ADCY1: variants seen among roughly 807,000 people sequenced by gnomAD.
ADCY1 encodes adenylate cyclase type 1.
A neutral mutation model predicts 105.4 loss-of-function variants in ADCY1; 28 were observed. The observed-to-expected ratio is 0.27, with a 90% confidence interval of 0.20 to 0.36. The LOEUF is 0.36. Ranked by LOEUF, ADCY1 falls within the 10% of genes least tolerant of loss-of-function variation. The pLI is 1.00. For synonymous variants in ADCY1, 655 were observed against 623.8 expected (o/e 1.05, Z -0.75); for missense variants, 977 against 1,434.2 (o/e 0.68, Z 5.15).
At chr7:45,608,926 A>G in intron 2 of ADCY1, among the ~76,000 whole-genome samples, 1 of 152,202 alleles carries the variant, frequency 6.6e-6, no homozygotes, top group East Asian at 1.9e-4. Context: ...CTCCGGTGCC[A>G]GGACTCAGGC....
At position 45,722,907 on chromosome 7, in the gene ADCY1, T is replaced by G. The variant is rs1785504069; in HGVS notation, c.*8912T>G. 1 of 152,644 alleles carries G rather than the reference T, an allele frequency of 6.6e-6. No homozygotes were observed. Among genetic ancestry groups the G allele is most frequent in the African/African-American group, 2.4e-5 (1 of 41,448 alleles). The allele number at this position is 152,644 out of a possible 1,614,324, so 9.5% of individuals were successfully genotyped here. ...GTCTATTTTTATGTCAACTGAACACTGTAGGGTACCTTCCAGTCTTTTTCA... is the reference window on the plus strand; with the variant it reads ...GTCTATTTTTATGTCAACTGAACACGGTAGGGTACCTTCCAGTCTTTTTCA... On this transcript the variant is annotated 3_prime_UTR_variant, in exon 20 of 20. Transcript: ENST00000297323.
In ADCY1 at chr7:45,660,153, C is replaced by A; in HGVS notation, c.1419C>A (p.Thr473=). 1 of 1,614,204 alleles carries A rather than the reference C, an allele frequency of 6.2e-7. No individual in the cohort carries two copies. The highest frequency in any genetic ancestry group is 8.5e-7 in the Non-Finnish European group (1 of 1,180,030). Residue 473 remains threonine, a synonymous_variant, in exon 7 of 20, where the codon ACC becomes ACA. Transcript: ENST00000297323. The stretch of plus-strand genomic sequence containing the variant: ...TCTTGAAAACTCATAACATCGAAAC[C>A]TTTTTTATTGTGCCATCCCATCGCC... ...NSFLKTHNIE[T]FFIVPSHRRK...
At position 45,685,046 on chromosome 7, in the gene ADCY1, A is replaced by G; in HGVS notation, c.2051A>G (p.Tyr684Cys). ...VLCIFIVVLI[Y>C]SVAQGCVVGC... Reference sequence around the variant, plus strand: ...TGTATTTTCATAGTGGTCTTAATCTACTCAGTAGCCCAAGGTTGTGTGGTG... The same window carrying G: ...TGTATTTTCATAGTGGTCTTAATCTGCTCAGTAGCCCAAGGTTGTGTGGTG... The change falls in exon 12 of 20, where the codon TAC becomes TGC. Residue 684 changes from tyrosine (Y) to cysteine (C), a missense_variant. Tyr to Cys is a radical substitution (Grantham distance 194). This residue lies in a region of ADCY1 where 275 missense variants were observed against 362.1 expected (regional missense o/e 0.76). Coordinates refer to ENST00000297323, the MANE Select transcript of ADCY1 (RefSeq NM_021116.4). 1 of 1,614,080 alleles carries G rather than the reference A, an allele frequency of 6.2e-7. No homozygotes were observed. The highest frequency in any genetic ancestry group is 8.5e-7 in the Non-Finnish European group (1 of 1,179,942).
At chr7:45,581,660 C>G (rs1792547386) in intron 1 of ADCY1, among the ~76,000 whole-genome samples, 1 of 152,136 alleles carries the variant, frequency 6.6e-6, no homozygotes, top group African/African-American at 2.4e-5. Flanking sequence ...GTCCACATAA[C>G]CCCCTTGTGG....
intron 3 of ADCY1, among the ~76,000 whole-genome samples, chr7:45,616,376 A>G (rs562398802): frequency 6.6e-6 from 1 of 152,324 alleles, no homozygotes; most frequent in South Asian, 2.1e-4. Flanking sequence ...AAAAGAAATT[A>G]TGGGCAAATA....
intron 1 of ADCY1, 82 bp from the exon 2 acceptor site, chr7:45,592,677 G>A: frequency 1.9e-6 from 3 of 1,576,860 alleles, no homozygotes; most frequent in Non-Finnish European, 2.6e-6. Context: ...GAGAGCTCTT[G>A]CTATGCTCTC....
At chr7:45,589,536 A>G (rs1792844652) in intron 1 of ADCY1, among the ~76,000 whole-genome samples, 1 of 152,176 alleles carries the variant, frequency 6.6e-6, no homozygotes, top group Admixed American at 6.5e-5. Flanking sequence ...ATGCCCCTCT[A>G]GCCGTGAGTT....
Position 45,718,888 on chromosome 7 carries a change from C to T in ADCY1, c.*4893C>T, listed in dbSNP as rs55742276. 0.022 allele frequency: 3,348 copies of T among 152,944 alleles called. 82 individuals are homozygous for T. The highest frequency in any genetic ancestry group is 0.12 in the South Asian group (558 of 4,818). 9.5% of individuals were successfully genotyped at this position (152,944 alleles called of 1,614,324 possible). A position where few individuals can be genotyped will look rare whatever the true frequency, so the allele number is the denominator to read the frequency against. ...GACTTTGAGGAAGGCTCAGTGGGCT[C>T]AGCAGAAGGAAGGCTCTTCTCATAG... On this transcript the variant is annotated 3_prime_UTR_variant, in exon 20 of 20. Coordinates refer to ENST00000297323, the MANE Select transcript of ADCY1 (RefSeq NM_021116.4).
At chr7:45,634,353 A>T (rs1295931657) in intron 4 of ADCY1, among the ~76,000 whole-genome samples, 2 of 150,484 alleles carry the variant, frequency 1.3e-5, no homozygotes, top group Admixed American at 6.6e-5. Context: ...CATTAAATAT[A>T]TTACCAGTTG....
chr7:45,701,801 C>G (rs752508659), intron 14 of ADCY1, among the ~76,000 whole-genome samples: 1 of 152,186 alleles, frequency 6.6e-6, no homozygotes, highest in East Asian at 1.9e-4. Flanking sequence ...CAGCACTGTG[C>G]CCAGACAGCC....
intron 2 of ADCY1, among the ~76,000 whole-genome samples, chr7:45,601,170 T>A (rs1793221233): frequency 6.6e-6 from 1 of 152,152 alleles, no homozygotes; most frequent in Non-Finnish European, 1.5e-5. Context: ...GAAGTACATA[T>A]GGCCGCCCCT....
chr7:45,664,296 T>C (rs771550314), intron 8 of ADCY1: 40 of 1,536,038 alleles, frequency 2.6e-5, no homozygotes, highest in Non-Finnish European at 3.5e-6. Flanking sequence ...TAGGTTCAGA[T>C]CCATCCCTCA....
chr7:45,714,761 C>A lies in ADCY1; in HGVS notation c.*766C>A, dbSNP rs1172919638. On this transcript the variant is annotated 3_prime_UTR_variant, in exon 20 of 20. Transcript: ENST00000297323. ...TGGCCAGCATCGGCTTCTTGCTGCA[C>A]CTGTGCATTCTCCACCCCTCCGCCA... 2 of 152,714 alleles carry A rather than the reference C, an allele frequency of 1.3e-5. No homozygotes were observed. Among genetic ancestry groups the A allele is most frequent in the African/African-American group, 4.8e-5 (2 of 41,452 alleles). 9.5% of individuals were successfully genotyped at this position (152,714 alleles called of 1,614,324 possible). A position where few individuals can be genotyped will look rare whatever the true frequency, so the allele number is the denominator to read the frequency against.
At chr7:45,610,981 G>GGA (rs1793565887) in intron 3 of ADCY1, among the ~76,000 whole-genome samples, 1 of 1,208 alleles carries the variant, frequency 8.3e-4, no homozygotes, top group Non-Finnish European at 1.8e-3. Context: ...TGGAGGTGGG[G>GGA]GGTGATAGTG....
At chr7:45,585,723 C>T (rs549848134) in intron 1 of ADCY1, among the ~76,000 whole-genome samples, 81 of 152,282 alleles carry the variant, frequency 5.3e-4, no homozygotes, top group African/African-American at 1.9e-3. Flanking sequence ...GCTGGGATTA[C>T]AGTGTGAGCC....
chr7:45,703,875 C>T lies in ADCY1; in HGVS notation c.2718+129C>T, dbSNP rs1355365716. 5.3e-6 allele frequency: 7 copies of T among 1,328,368 alleles called. No homozygotes were observed. The highest frequency in any genetic ancestry group is 2.1e-4 in the Middle Eastern group (1 of 4,678). The allele number at this position is 1,328,368 out of a possible 1,614,324, so 82.3% of individuals were successfully genotyped here. On this transcript the variant is annotated intron_variant, in intron 16 of 19. Transcript: ENST00000297323. The surrounding 1 kb of genome is among the most constrained non-coding windows in gnomAD (Gnocchi z 5.9). The stretch of plus-strand genomic sequence containing the variant: ...ATGAGAGAAAGCAAATCCCGGGAAG[C>T]ACAGGCATTCTGTCTCCTTTGGGAT...
chr7:45,684,714 A>C lies in ADCY1; in HGVS notation c.1984-265A>C, dbSNP rs953538970. Reference sequence around the variant, plus strand: ...ATCCAGTTAACTTCAGTGCCAATCAAAGTTACAATGCAAGTGGAAGGAAGG... The same window carrying C: ...ATCCAGTTAACTTCAGTGCCAATCACAGTTACAATGCAAGTGGAAGGAAGG... On this transcript the variant is annotated intron_variant, in intron 11 of 19. Coordinates refer to ENST00000297323, the MANE Select transcript of ADCY1 (RefSeq NM_021116.4). 4 of 313,998 alleles carry C rather than the reference A, an allele frequency of 1.3e-5. No individual in the cohort carries two copies. In the East Asian group the frequency reaches 2.2e-4, roughly 17 times the overall value. The allele number at this position is 313,998 out of a possible 1,614,324, so 19.5% of individuals were successfully genotyped here. A position where few individuals can be genotyped will look rare whatever the true frequency, so the allele number is the denominator to read the frequency against.
At chr7:45,588,869 ATGTGTG>A (rs55962124) in intron 1 of ADCY1, among the ~76,000 whole-genome samples, 25 of 149,052 alleles carry the variant, frequency 1.7e-4, no homozygotes, top group African/African-American at 2.2e-4. Context: ...CATTGCGTGT[ATGTGTG>A]TGTGTGTGTG....
intron 19 of ADCY1, among the ~76,000 whole-genome samples, chr7:45,711,380 A>G (rs1785227169): frequency 6.6e-6 from 1 of 152,084 alleles, no homozygotes; most frequent in Non-Finnish European, 1.5e-5. Flanking sequence ...TTTAAGGGAC[A>G]GGTAGGCCAA....
Sources: gnomAD v4.1 joint callset for allele counts (sites outside exome capture counted in the v4.1 genomes callset) on GRCh38, gnomAD v4.1.1 for gene constraint, gnomAD v4.1.1 regional missense constraint, Gnocchi (gnomAD v3.1) non-coding constraint, MANE v1.5 for transcripts, NCBI Gene and HGNC (gene_info 2026-07-23, HGNC 2026-07-21) for gene names.